CMTM8: variants seen among roughly 807,000 people sequenced by gnomAD.
CMTM8 encodes CKLF like MARVEL transmembrane domain containing 8, also known as CKLF-like MARVEL transmembrane domain-containing protein 8.
A neutral mutation model predicts 18.6 loss-of-function variants in CMTM8; 12 were observed. The ratio of observed to expected loss-of-function variants is 0.65; its 90% CI spans 0.41 to 1.05. The LOEUF (loss-of-function observed/expected upper bound fraction) is 1.05. CMTM8 is among the 50% of genes least tolerant of loss of function. CMTM8 has a pLI of 0.00. For synonymous variants in CMTM8, 87 were observed against 90.6 expected, an observed-to-expected ratio of 0.96 and a Z score of 0.23; for missense variants, 217 against 227.2, an observed-to-expected ratio of 0.95 and a Z score of 0.29.
chr3:32,315,455 A>G (rs968273465), intron 1 of CMTM8, among the ~76,000 whole-genome samples: 1 of 152,180 alleles, frequency 6.6e-6, no homozygotes, highest in African/African-American at 2.4e-5. Flanking sequence ...TTGCAGTTCA[A>G]GGAAGAGATG....
intron 1 of CMTM8, among the ~76,000 whole-genome samples, chr3:32,345,881 A>G (rs1312488245): frequency 6.6e-6 from 1 of 152,194 alleles, no homozygotes; most frequent in Non-Finnish European, 1.5e-5. Context: ...TCAGGCAGAC[A>G]CAGTGCCTCA....
At chr3:32,316,095 C>T (rs909176068) in intron 1 of CMTM8, among the ~76,000 whole-genome samples, 6 of 131,874 alleles carry the variant, frequency 4.5e-5, no homozygotes, top group Non-Finnish European at 6.1e-5. Flanking sequence ...GGCGCGATCT[C>T]GGCTCACTGC....
chr3:32,289,149 A>G (rs1702737328), intron 1 of CMTM8, among the ~76,000 whole-genome samples: 1 of 152,210 alleles, frequency 6.6e-6, no homozygotes, highest in Non-Finnish European at 1.5e-5. Flanking sequence ...GGTCACTGCT[A>G]CTTGGCTACA....
At chr3:32,350,098 G>A (rs947472937) in intron 1 of CMTM8, among the ~76,000 whole-genome samples, 17 of 152,144 alleles carry the variant, frequency 1.1e-4, no homozygotes, top group African/African-American at 4.1e-4. Flanking sequence ...ACTAATGACA[G>A]AAGTGGGGCA....
chr3:32,271,783 G>T (rs1293397597), intron 1 of CMTM8, among the ~76,000 whole-genome samples: 1 of 152,098 alleles, frequency 6.6e-6, no homozygotes, highest in African/African-American at 2.4e-5. Flanking sequence ...TGCATACTTA[G>T]TCTATTATAC....
chr3:32,292,746 C>A (rs1192307468), intron 1 of CMTM8, among the ~76,000 whole-genome samples: 1 of 152,086 alleles, frequency 6.6e-6, no homozygotes, highest in Non-Finnish European at 1.5e-5. Context: ...TGACCTCTAC[C>A]TACTAGATGC....
At chr3:32,298,837 A>G (rs1002637370) in intron 1 of CMTM8, among the ~76,000 whole-genome samples, 3 of 140,050 alleles carry the variant, frequency 2.1e-5, no homozygotes, top group Non-Finnish European at 4.5e-5. Context: ...GTGTATATAT[A>G]TGTGTGTGTG....
At chr3:32,251,909 A>G (rs999424598) in intron 1 of CMTM8, among the ~76,000 whole-genome samples, 2 of 151,600 alleles carry the variant, frequency 1.3e-5, no homozygotes, top group African/African-American at 4.8e-5. Context: ...GGGCAACATG[A>G]TGAAACCCGG....
chr3:32,288,151 A>G (rs1480327987), intron 1 of CMTM8, among the ~76,000 whole-genome samples: 1 of 152,202 alleles, frequency 6.6e-6, no homozygotes, highest in Non-Finnish European at 1.5e-5. Flanking sequence ...TTTTGACAAC[A>G]TCTTTGTTTC....
At chr3:32,328,991 T>A (rs1301630514) in intron 1 of CMTM8, among the ~76,000 whole-genome samples, 2 of 152,204 alleles carry the variant, frequency 1.3e-5, no homozygotes, top group African/African-American at 2.4e-5. Flanking sequence ...AGGCCATCAT[T>A]ACCTTGATAC....
At chr3:32,322,987 A>G (rs1399378377) in intron 1 of CMTM8, among the ~76,000 whole-genome samples, 4 of 152,138 alleles carry the variant, frequency 2.6e-5, no homozygotes, top group South Asian at 2.1e-4. Flanking sequence ...GGCTCTCTCC[A>G]TAGACCCTGG....
At chr3:32,362,408 A>G (rs992079145) in intron 2 of CMTM8, among the ~76,000 whole-genome samples, 2 of 152,124 alleles carry the variant, frequency 1.3e-5, no homozygotes, top group South Asian at 4.1e-4. Flanking sequence ...TATATTTTAC[A>G]TCATTTCATT....
intron 1 of CMTM8, among the ~76,000 whole-genome samples, chr3:32,326,466 C>T (rs1045589590): frequency 3.9e-5 from 6 of 151,950 alleles, no homozygotes; most frequent in African/African-American, 9.7e-5. Flanking sequence ...AGCCTCATCC[C>T]GGCCTGGAGT....
At chr3:32,298,394 A>G (rs1317389773) in intron 1 of CMTM8, among the ~76,000 whole-genome samples, 1 of 151,022 alleles carries the variant, frequency 6.6e-6, no homozygotes, top group African/African-American at 2.4e-5. Flanking sequence ...CTCTATATAA[A>G]TATTTGAGGA....
chr3:32,345,177 C>A (rs1696572125), intron 1 of CMTM8, among the ~76,000 whole-genome samples: 1 of 152,118 alleles, frequency 6.6e-6, no homozygotes, highest in African/African-American at 2.4e-5. Context: ...GACCTCGTTT[C>A]TACAAGTTAA....
At chr3:32,349,032 A>G (rs1250665714) in intron 1 of CMTM8, among the ~76,000 whole-genome samples, 3 of 151,912 alleles carry the variant, frequency 2.0e-5, no homozygotes, top group African/African-American at 7.3e-5. Flanking sequence ...CTGTTTCTTT[A>G]TCACTTTTGT....
At chr3:32,365,311 AAAAG>A (rs1180600251) in intron 2 of CMTM8, among the ~76,000 whole-genome samples, 2 of 151,976 alleles carry the variant, frequency 1.3e-5, no homozygotes, top group African/African-American at 2.4e-5. Context: ...GAGAAAAAAA[AAAAG>A]AGAGAAAGAG....
At chr3:32,292,228 G>T (rs1011742965) in intron 1 of CMTM8, among the ~76,000 whole-genome samples, 1 of 152,274 alleles carries the variant, frequency 6.6e-6, no homozygotes, top group East Asian at 1.9e-4. Context: ...ACCTTGGATT[G>T]TCCCCACCTT....
chr3:32,364,057 A>C (rs1696985200), intron 2 of CMTM8, among the ~76,000 whole-genome samples: 1 of 152,204 alleles, frequency 6.6e-6, no homozygotes, highest in Non-Finnish European at 1.5e-5. Context: ...GGTGAAGCGG[A>C]CATCCCTACC....
Sources: gnomAD v4.1 joint callset for allele counts (sites outside exome capture counted in the v4.1 genomes callset) on GRCh38, gnomAD v4.1.1 for gene constraint, MANE v1.5 for transcripts, NCBI Gene and HGNC (gene_info 2026-07-23, HGNC 2026-07-21) for gene names.